Variants in RALYL observed in about 807,000 individuals in gnomAD.
RALYL encodes the protein RALY RNA binding protein like.
In RALYL, 29 loss-of-function variants were observed where a neutral mutation model predicts 35.1. The ratio of observed to expected loss-of-function variants is 0.83; its 90% confidence interval spans 0.61 to 1.13. The LOEUF is 1.13. RALYL is among the 50% of genes most tolerant of loss of function. RALYL has a pLI of 0.00. For synonymous variants in RALYL, 120 were observed against 127.6 expected (o/e 0.94, Z 0.40); for missense variants, 359 against 360.4 (o/e 1.00, Z 0.03).
chr8:84,865,557 C>A (rs1839024007), intron 6 of RALYL, among the ~76,000 whole-genome samples: 2 of 152,084 alleles, frequency 1.3e-5, no homozygotes, highest in African/African-American at 4.8e-5. Context: ...CTTTTAAAAT[C>A]AAATTGAACT....
intron 8 of RALYL, among the ~76,000 whole-genome samples, chr8:84,894,421 C>T (rs1364190455): frequency 6.6e-6 from 1 of 152,174 alleles, no homozygotes; most frequent in Non-Finnish European, 1.5e-5. Flanking sequence ...CTTAGCACAG[C>T]ATTCAAAGAC....
intron 1 of RALYL, among the ~76,000 whole-genome samples, chr8:84,498,154 A>G (rs908022092): frequency 2.0e-5 from 3 of 152,046 alleles, no homozygotes; most frequent in African/African-American, 7.2e-5. Context: ...ATTCTAACCA[A>G]GAGCCACATG....
At position 84,326,239 on chromosome 8, in the gene RALYL, A is replaced by G. The variant is rs568414708; in HGVS notation, c.-24+141815A>G. On this transcript the variant is annotated intron_variant, in intron 1 of 8. Transcript: ENST00000521268. ...TCATATGTAATGTGTATGAATTACA[A>G]TGCCAAAAATTTAATGAACATTCCA... Among the ~76,000 whole-genome samples, 34 of 152,342 alleles carry G rather than the reference A, an allele frequency of 2.2e-4. No homozygotes were observed. In the South Asian group the frequency reaches 6.6e-3, roughly 30 times the overall value.
chr8:84,684,331 A>G (rs1836299395), intron 2 of RALYL, among the ~76,000 whole-genome samples: 1 of 152,180 alleles, frequency 6.6e-6, no homozygotes, highest in Non-Finnish European at 1.5e-5. Flanking sequence ...AGTACCCACT[A>G]TGAATTAGGA....
At chr8:84,914,871 G>T (rs573159508) in intron 8 of RALYL, among the ~76,000 whole-genome samples, 1 of 151,932 alleles carries the variant, frequency 6.6e-6, no homozygotes, top group Non-Finnish European at 1.5e-5. Flanking sequence ...CTAATTATGA[G>T]GGTATGTATT....
At chr8:84,230,311 G>C (rs569063941) in intron 1 of RALYL, among the ~76,000 whole-genome samples, 3 of 152,064 alleles carry the variant, frequency 2.0e-5, no homozygotes, top group East Asian at 3.9e-4. Flanking sequence ...TATACATGGA[G>C]AGTTGCAACC....
In RALYL at chr8:84,535,597, G is replaced by A. The variant is rs571724404; in HGVS notation, c.256+6020G>A. 4.7e-4 allele frequency among the ~76,000 whole-genome samples: 36 copies of A among 76,760 alleles called. 3 individuals carry two copies. The South Asian group carries it at 0.02, about 43-fold the overall frequency. 50.4% of individuals were successfully genotyped at this position (76,760 alleles called of 152,430 possible). A position where few individuals can be genotyped will look rare whatever the true frequency, so the allele number is the denominator to read the frequency against. On this transcript the variant is annotated intron_variant, in intron 2 of 8. Transcript: ENST00000521268. ...GCTACAGGTGCCTGCCACCACGCCC[G>A]GCTAATTATTTTATTTTATTTTATT...
At chr8:84,256,138 C>T (rs557708273) in intron 1 of RALYL, among the ~76,000 whole-genome samples, 2 of 152,242 alleles carry the variant, frequency 1.3e-5, no homozygotes, top group African/African-American at 4.8e-5. Flanking sequence ...GTTATATGTG[C>T]TGGCTTGTTT....
intron 1 of RALYL, among the ~76,000 whole-genome samples, chr8:84,461,314 T>C (rs540283204): frequency 6.6e-6 from 1 of 151,678 alleles, no homozygotes; most frequent in Non-Finnish European, 1.5e-5. Context: ...TCTGTTATCA[T>C]AAATAAAATG....
chr8:84,457,754 G>C (rs997038722), intron 1 of RALYL, among the ~76,000 whole-genome samples: 2 of 151,776 alleles, frequency 1.3e-5, no homozygotes, highest in Non-Finnish European at 2.9e-5. Flanking sequence ...ATCTTGAGCT[G>C]ATGAACTTGA....
chr8:84,843,113 C>A (rs1401467888), intron 4 of RALYL, among the ~76,000 whole-genome samples: 1 of 152,070 alleles, frequency 6.6e-6, no homozygotes, highest in Non-Finnish European at 1.5e-5. Flanking sequence ...GAAGTTCTGG[C>A]CAGGGCAATC....
intron 1 of RALYL, among the ~76,000 whole-genome samples, chr8:84,314,753 A>G (rs1432123113): frequency 6.6e-6 from 1 of 152,188 alleles, no homozygotes; most frequent in Admixed American, 6.5e-5. Context: ...TCAGTTTTAA[A>G]GACAGCATCA....
chr8:84,797,228 T>C (rs920320022), intron 3 of RALYL, among the ~76,000 whole-genome samples: 6 of 152,188 alleles, frequency 3.9e-5, no homozygotes, highest in East Asian at 1.9e-4. Flanking sequence ...TCTGCAATAA[T>C]GACATAAATC....
At chr8:84,705,966 G>A (rs760135376) in intron 2 of RALYL, 103 of 1,531,864 alleles carry the variant, frequency 6.7e-5, no homozygotes, top group African/African-American at 3.6e-4. Flanking sequence ...AGCACAACCC[G>A]TCTCTTTGTC....
intron 1 of RALYL, among the ~76,000 whole-genome samples, chr8:84,467,442 G>T (rs1434506162): frequency 1.5e-5 from 2 of 130,976 alleles, no homozygotes; most frequent in African/African-American, 2.7e-5. Context: ...TTTCCATGTA[G>T]TTGAGCAGCT....
At chr8:84,721,901 G>T (rs1843983860) in intron 2 of RALYL, among the ~76,000 whole-genome samples, 2 of 151,932 alleles carry the variant, frequency 1.3e-5, no homozygotes, top group Admixed American at 1.3e-4. Flanking sequence ...CATTATTACT[G>T]CTACTCAGTA....
At chr8:84,462,094 C>T (rs78108887) in intron 1 of RALYL, among the ~76,000 whole-genome samples, 1 of 151,478 alleles carries the variant, frequency 6.6e-6, no homozygotes, top group South Asian at 2.1e-4. Flanking sequence ...TACTTCCGTG[C>T]CACCTTTTGG....
rs185307257 is a variant in RALYL, at chr8:84,431,119, G to T, written c.-23-98180G>T. 1.5e-3 allele frequency among the ~76,000 whole-genome samples: 228 copies of T among 152,286 alleles called. 2 individuals are homozygous for T. Among genetic ancestry groups the T allele is most frequent in the African/African-American group, 4.5e-3 (186 of 41,572 alleles). Reference sequence around the variant, plus strand: ...CCAGCTTGTCCTGAGTACTTACAGTGTGCCTGGGATCTCCTCAGATTTACA... The same window carrying T: ...CCAGCTTGTCCTGAGTACTTACAGTTTGCCTGGGATCTCCTCAGATTTACA... On this transcript the variant is annotated intron_variant, in intron 1 of 8. Coordinates refer to ENST00000521268, the MANE Select transcript of RALYL (RefSeq NM_173848.7).
intron 1 of RALYL, among the ~76,000 whole-genome samples, chr8:84,319,519 TCAGA>T (rs1313758745): frequency 2.6e-4 from 39 of 152,232 alleles, no homozygotes; most frequent in Non-Finnish European, 4.4e-5. Context: ...GATGTGATAT[TCAGA>T]CAGAGGAAGG....
Sources: gnomAD v4.1 joint callset for allele counts (sites outside exome capture counted in the v4.1 genomes callset) on GRCh38, gnomAD v4.1.1 for gene constraint, MANE v1.5 for transcripts, NCBI Gene and HGNC (gene_info 2026-07-23, HGNC 2026-07-21) for gene names.